The following PLXNA1 variants were observed in gnomAD, a reference collection of about 807,000 sequenced individuals.
PLXNA1 encodes the protein plexin A1, also known as plexin-A1.
A neutral mutation model predicts 191.7 loss-of-function variants in PLXNA1; 77 were observed. The observed-to-expected ratio is 0.40, with a 90% CI of 0.33 to 0.49. PLXNA1 has a LOEUF of 0.49. Among genes scored for constraint, PLXNA1 ranks in the 20% least tolerant of loss-of-function variants. PLXNA1 has a pLI of 0.63. For missense variants in PLXNA1, 2,110 were observed against 2,660.2 expected (o/e 0.79, Z 4.55); for synonymous variants, 1,137 against 1,156.4 (o/e 0.98, Z 0.34).
chr3:127,007,862 A>G lies in PLXNA1; in HGVS notation c.2061A>G (p.Thr687=), dbSNP rs9876615. The G allele has an allele frequency of 0.12, 192,871 of 1,612,004 alleles. 12,696 individuals are homozygous for G. The highest frequency in any genetic ancestry group is 0.21 in the South Asian group (18,612 of 90,730). ...CHWCKYRHVC[T]HNVADCAFLE... is the part of the protein sequence containing the mutation. ...GGTGCAAATACCGCCACGTGTGCAC[A>G]CACAACGTGGCTGACTGCGCCTTCC... Residue 687 remains threonine, a synonymous_variant, in exon 9 of 32, where the codon ACA becomes ACG. Coordinates refer to ENST00000393409, the MANE Select transcript of PLXNA1 (RefSeq NM_032242.4).
At chr3:127,009,213 C>CTAG (rs2079083940) in intron 9 of PLXNA1, among the ~76,000 whole-genome samples, 1 of 152,066 alleles carries the variant, frequency 6.6e-6, no homozygotes, top group Admixed American at 6.5e-5. Flanking sequence ...GTAGCAGGGC[C>CTAG]CTGGGCAGCT....
rs1240310303 is a variant in PLXNA1, at chr3:127,034,268, A to G, written c.*251A>G. The G allele has an allele frequency of 2.3e-5, 10 of 432,512 alleles. No homozygotes were observed. Among genetic ancestry groups the G allele is most frequent in the Non-Finnish European group, 4.1e-5 (10 of 241,436 alleles). 26.8% of individuals were successfully genotyped at this position (432,512 alleles called of 1,614,324 possible). ...GGGGCCGGGACAGCACTGGGTGCTC[A>G]GGCTGGCCAAGGACCTTCATTGCCT... On this transcript the variant is annotated 3_prime_UTR_variant, in exon 32 of 32. Transcript: ENST00000393409.
rs754904591 is a variant in PLXNA1 at position 127,015,201 on chromosome 3, T to C, written c.2895T>C (p.Arg965=). The change falls in exon 15 of 32, where the codon CGT becomes CGC. Residue 965 remains arginine (R), a synonymous_variant. Coordinates refer to ENST00000393409, the MANE Select transcript of PLXNA1 (RefSeq NM_032242.4). The part of the protein sequence containing the change: ...RFTFVTPTFY[R]VSPSRGPLSG... ...TCCTGCAGACACCAACCTTCTACCG[T>C]GTGAGCCCCTCCCGTGGGCCTCTGT... The C allele has an allele frequency of 2.5e-6, 4 of 1,612,900 alleles. No homozygotes were observed. The South Asian group carries it at 3.3e-5, about 13-fold the overall frequency.
chr3:127,023,725 C>T (rs533936869), intron 23 of PLXNA1, among the ~76,000 whole-genome samples: 13 of 152,332 alleles, frequency 8.5e-5, no homozygotes, highest in East Asian at 1.9e-4. Context: ...CTGCACAGAG[C>T]GGAGTCCTGG....
chr3:127,007,784 AC>A lies in PLXNA1; in HGVS notation c.1998-12del. ...TGCGGGTCCCCAGGCTTCAGCACCC[AC>A]CCTCTCCCTGCAGCTGCCTGTCCTG... On this transcript the variant is annotated splice_polypyrimidine_tract_variant and intron_variant, in intron 8 of 31. Transcript: ENST00000393409. 2 of 1,587,502 alleles carry A rather than the reference AC, an allele frequency of 1.3e-6. No homozygotes were observed. The highest frequency in any genetic ancestry group is 1.7e-6 in the Non-Finnish European group (2 of 1,159,040).
chr3:127,030,556 T>TTAGCACAGGACTGG, intron 29 of PLXNA1, 144 bp downstream of exon 29: 1 of 1,008,976 alleles, frequency 9.9e-7, no homozygotes, highest in Non-Finnish European at 1.4e-6. Flanking sequence ...GGCGGGCCAG[T>TTAGCACAGGACTGG]CCTGTGCTAA....
In PLXNA1 at chr3:127,036,070, G is replaced by A. The variant is rs1347229060; in HGVS notation, c.*2053G>A. Reference sequence around the variant, plus strand: ...TACAGTGGCTGGGCTGTTTTTTTCAGTAGCCCCTAGCATTGGCTGGGATTC... The same window carrying A: ...TACAGTGGCTGGGCTGTTTTTTTCAATAGCCCCTAGCATTGGCTGGGATTC... On this transcript the variant is annotated 3_prime_UTR_variant, in exon 32 of 32. Transcript: ENST00000393409. 2 of 152,634 alleles carry A rather than the reference G, an allele frequency of 1.3e-5. No individual in the cohort carries two copies. Among genetic ancestry groups the A allele is most frequent in the Admixed American group, 1.3e-4 (2 of 15,284 alleles). The allele number at this position is 152,634 out of a possible 1,614,324, so 9.5% of individuals were successfully genotyped here.
At chr3:126,984,482 C>T (rs932283604) in intron 1 of PLXNA1, among the ~76,000 whole-genome samples, 1 of 152,166 alleles carries the variant, frequency 6.6e-6, no homozygotes, top group African/African-American at 2.4e-5. Flanking sequence ...CGATTTCCTG[C>T]GGCTTGGGGT....
At chr3:127,005,333 G>T (rs910849453) in intron 7 of PLXNA1, 90 bp downstream of exon 7, 2 of 1,429,206 alleles carry the variant, frequency 1.4e-6, no homozygotes, top group Non-Finnish European at 1.9e-6. Flanking sequence ...CCCTTGTTCA[G>T]TTCCAAGGGC....
chr3:126,992,634 C>T (rs533341346), intron 3 of PLXNA1, among the ~76,000 whole-genome samples: 20 of 151,306 alleles, frequency 1.3e-4, no homozygotes, highest in Admixed American at 7.9e-4. Context: ...GGGCTGGGGG[C>T]GGGGGGTGCT....
intron 3 of PLXNA1, among the ~76,000 whole-genome samples, chr3:126,996,799 C>T (rs1196456939): frequency 2.0e-5 from 3 of 152,120 alleles, no homozygotes; most frequent in Non-Finnish European, 4.4e-5. Flanking sequence ...GCCTGTGCTG[C>T]ACTGTTGGCG....
At chr3:126,989,808 C>T (rs1251573833) in intron 2 of PLXNA1, 21 bp downstream of exon 2, 2 of 1,572,066 alleles carry the variant, frequency 1.3e-6, no homozygotes, top group South Asian at 2.3e-5. Context: ...CAGGGGCGCC[C>T]CTCCTCCCGC....
At chr3:126,995,770 C>A (rs1403701666) in intron 3 of PLXNA1, among the ~76,000 whole-genome samples, 1 of 152,246 alleles carries the variant, frequency 6.6e-6, no homozygotes, top group East Asian at 1.9e-4. Context: ...CTTAGGGAAG[C>A]CACCCACCTG....
chr3:127,028,047 G>C lies in PLXNA1; in HGVS notation c.4470G>C (p.Glu1490Asp). Residue 1490 changes from glutamate to aspartate, a missense_variant, in exon 24 of 32, where the codon GAG becomes GAC. Glu to Asp is a conservative substitution (Grantham distance 45, BLOSUM62 2). Coordinates refer to ENST00000393409, the MANE Select transcript of PLXNA1 (RefSeq NM_032242.4). The stretch of plus-strand genomic sequence containing the variant: ...GTGAGGCACGCTACTCCCTGAGTGA[G>C]GACAAGCTCATCCGGCAGCAGATTG... The part of the protein sequence containing the change: ...ITGEARYSLS[E>D]DKLIRQQIDY... 6.2e-7 allele frequency: 1 copy of C among 1,614,086 alleles called. No individual in the cohort carries two copies. Among genetic ancestry groups the C allele is most frequent in the Non-Finnish European group, 8.5e-7 (1 of 1,180,016 alleles).
rs137988186 is a variant in PLXNA1 at position 127,028,835 on chromosome 3, C to T, written c.4670-158C>T. ...GAGGGCTGTGGCACATTGCAGGGGA[C>T]TATGGCAGGTTAAGTGTGCTGCAGC... On this transcript the variant is annotated intron_variant, in intron 25 of 31. Transcript: ENST00000393409. The T allele has an allele frequency of 1.9e-3, 1,203 of 617,722 alleles. 2 individuals are homozygous for T. The highest frequency in any genetic ancestry group is 3.0e-3 in the Non-Finnish European group (1,036 of 348,890). The allele number at this position is 617,722 out of a possible 1,614,324, so 38.3% of individuals were successfully genotyped here.
In PLXNA1 at chr3:127,004,891, G is replaced by C; in HGVS notation, c.1626G>C (p.Ser542=). 1 of 1,593,258 alleles carries C rather than the reference G, an allele frequency of 6.3e-7. No homozygotes were observed. Among genetic ancestry groups the C allele is most frequent in the Non-Finnish European group, 8.6e-7 (1 of 1,167,502 alleles). The change falls in exon 6 of 32, where the codon TCG becomes TCC. Residue 542 remains serine, a synonymous_variant. Coordinates refer to ENST00000393409, the MANE Select transcript of PLXNA1 (RefSeq NM_032242.4). ...TCAACCCCTCTGCCTGCAGCTGCTC[G>C]CGGCGGGACGCCTGTGAGCGAGCAG... is the stretch of plus-strand genomic sequence containing the variant. ...CGWCVLHSIC[S]RRDACERADE...
In PLXNA1 at chr3:127,032,679, C is replaced by T. The variant is rs1010561989; in HGVS notation, c.5445-7C>T. ...GCTCATGTGCCCACCTGGCCACTCA[C>T]CTGCAGGTACTATGCAGACATCGCC... is the stretch of plus-strand genomic sequence containing the variant. On this transcript the variant is annotated splice_region_variant and splice_polypyrimidine_tract_variant and intron_variant, in intron 30 of 31. Transcript: ENST00000393409. 6.2e-7 allele frequency: 1 copy of T among 1,612,910 alleles called. No individual in the cohort carries two copies. Among genetic ancestry groups the T allele is most frequent in the Non-Finnish European group, 8.5e-7 (1 of 1,179,804 alleles).
At position 127,014,846 on chromosome 3, in the gene PLXNA1, C is replaced by G; in HGVS notation, c.2877+15C>G. 1 of 1,608,770 alleles carries G rather than the reference C, an allele frequency of 6.2e-7. No homozygotes were observed. The highest frequency in any genetic ancestry group is 8.5e-7 in the Non-Finnish European group (1 of 1,178,006). ...TCACCTTCGTGGTGAGTCTGCTGCC[C>G]TCCCTCTCTCCCTATTCTCTGCTGC... On this transcript the variant is annotated intron_variant, in intron 14 of 31. Coordinates refer to ENST00000393409, the MANE Select transcript of PLXNA1 (RefSeq NM_032242.4).
At chr3:127,015,951 G>A (rs907476516) in intron 15 of PLXNA1, among the ~76,000 whole-genome samples, 2 of 152,198 alleles carry the variant, frequency 1.3e-5, no homozygotes, top group African/African-American at 4.8e-5. Flanking sequence ...TTCCCACTGG[G>A]ACAGGTGCCG....
Sources: allele counts gnomAD v4.1 joint callset (sites outside exome capture counted in the v4.1 genomes callset), GRCh38; gene constraint gnomAD v4.1.1; transcripts MANE v1.5; gene names NCBI Gene and HGNC (gene_info 2026-07-23, HGNC 2026-07-21).